Variants in CDC42EP3 observed in about 807,000 individuals in gnomAD.
CDC42EP3 encodes CDC42 effector protein 3.
Under a neutral mutation model 15.5 loss-of-function variants are expected in CDC42EP3, and 4 were observed. That is an observed-to-expected ratio of 0.26 (90% CI 0.13 to 0.59). The LOEUF (loss-of-function observed/expected upper bound fraction) is 0.59, where lower values mean the gene tolerates loss of function less well. Ranked by LOEUF, CDC42EP3 falls within the 20% of genes least tolerant of loss-of-function variation. The pLI, the probability that CDC42EP3 is intolerant of heterozygous loss-of-function variation, is 0.89. For missense variants in CDC42EP3, 309 were observed against 311.2 expected (o/e 0.99, Z 0.05); for synonymous variants, 145 against 130.3 (o/e 1.11, Z -0.77).
intron 1 of CDC42EP3, among the ~76,000 whole-genome samples, chr2:37,666,615 T>C (rs1666257851): frequency 6.6e-6 from 1 of 152,206 alleles, no homozygotes; most frequent in Non-Finnish European, 1.5e-5. Flanking sequence ...AAACACTAGT[T>C]TGGAACTCAT....
intron 1 of CDC42EP3, among the ~76,000 whole-genome samples, chr2:37,649,573 T>G (rs1572508644): frequency 2.1e-5 from 3 of 142,550 alleles, no homozygotes; most frequent in African/African-American, 5.3e-5. Flanking sequence ...TTTGGGACAG[T>G]GAGGAGGAAG....
intron 1 of CDC42EP3, among the ~76,000 whole-genome samples, chr2:37,647,867 A>G (rs967048983): frequency 1.3e-5 from 2 of 152,164 alleles, no homozygotes; most frequent in African/African-American, 2.4e-5. Flanking sequence ...ATCTGCCAAC[A>G]ATGTTGGGGA....
At chr2:37,667,143 G>C (rs1254627247) in intron 1 of CDC42EP3, among the ~76,000 whole-genome samples, 2 of 152,182 alleles carry the variant, frequency 1.3e-5, no homozygotes, top group Non-Finnish European at 2.9e-5. Flanking sequence ...TAAGGACAAG[G>C]TTTCAAAGGT....
At chr2:37,651,663 G>A (rs74629034) in intron 1 of CDC42EP3, among the ~76,000 whole-genome samples, 3,488 of 152,282 alleles carry the variant, frequency 0.023, 70 homozygotes, top group Non-Finnish European at 0.034. Flanking sequence ...ATTTGTAGTC[G>A]GAAAGGAAAG....
At chr2:37,658,531 T>C (rs975806302) in intron 1 of CDC42EP3, among the ~76,000 whole-genome samples, 2 of 152,166 alleles carry the variant, frequency 1.3e-5, no homozygotes, top group African/African-American at 4.8e-5. Flanking sequence ...CTACTTTGCT[T>C]CCCTTGTCCC....
At chr2:37,651,944 G>A (rs765690354) in intron 1 of CDC42EP3, among the ~76,000 whole-genome samples, 70 of 151,986 alleles carry the variant, frequency 4.6e-4, no homozygotes, top group Non-Finnish European at 3.8e-4. Context: ...GGGAGGCCGA[G>A]GCGGGCAGAT....
At chr2:37,665,789 T>A (rs1231419775) in intron 1 of CDC42EP3, among the ~76,000 whole-genome samples, 11 of 152,184 alleles carry the variant, frequency 7.2e-5, no homozygotes, top group Admixed American at 7.2e-4. Flanking sequence ...TGCACGGGTC[T>A]GTTTTTCAAC....
At chr2:37,661,895 A>T (rs1666067498) in intron 1 of CDC42EP3, among the ~76,000 whole-genome samples, 1 of 152,124 alleles carries the variant, frequency 6.6e-6, no homozygotes. Flanking sequence ...CCTTGGCTTA[A>T]AAAAAAGTTC....
intron 1 of CDC42EP3, among the ~76,000 whole-genome samples, chr2:37,652,594 T>C (rs943882233): frequency 6.6e-6 from 1 of 151,960 alleles, no homozygotes; most frequent in South Asian, 2.1e-4. Flanking sequence ...AAGGGTCAAG[T>C]CATGTGGTCA....
chr2:37,645,979 G>A lies in CDC42EP3; in HGVS notation c.609C>T (p.Asp203=), dbSNP rs766726837. Residue 203 remains aspartate (D), a synonymous_variant, in exon 2 of 2, where the codon GAC becomes GAT. Transcript: ENST00000295324. The stretch of plus-strand genomic sequence containing the variant: ...CGCATGGGGTGGGATGGTCAAACAT[G>A]TCCTCGGCTGGCCAGTCGGGGTACT... ...SEQYPDWPAE[D]MFDHPTPCEL... is the part of the protein sequence containing the mutation. The A allele has an allele frequency of 1.2e-6, 2 of 1,614,048 alleles. No homozygotes were observed. Among genetic ancestry groups the A allele is most frequent in the East Asian group, 4.5e-5 (2 of 44,866 alleles).
intron 1 of CDC42EP3, among the ~76,000 whole-genome samples, chr2:37,671,165 C>T (rs1558345878): frequency 6.6e-6 from 1 of 152,230 alleles, no homozygotes; most frequent in Non-Finnish European, 1.5e-5. Flanking sequence ...TGCAATGTGG[C>T]CGCGCAGCCC....
chr2:37,642,577 T>A lies in CDC42EP3; in HGVS notation c.*3246A>T, dbSNP rs1315491961. The A allele has an allele frequency of 6.6e-6, 1 of 152,232 alleles. No individual in the cohort carries two copies. Among genetic ancestry groups the A allele is most frequent in the Non-Finnish European group, 1.5e-5 (1 of 68,034 alleles). The allele number at this position is 152,232 out of a possible 1,614,324, so 9.4% of individuals were successfully genotyped here. A position where few individuals can be genotyped will look rare whatever the true frequency, so the allele number is the denominator to read the frequency against. On this transcript the variant is annotated 3_prime_UTR_variant, in exon 2 of 2. Transcript: ENST00000295324. ...AACTCTTACTGGAGAGAAACCATCATGTTGGCTCATTCTATTGTGTTTATA... is the reference window on the plus strand; with the variant it reads ...AACTCTTACTGGAGAGAAACCATCAAGTTGGCTCATTCTATTGTGTTTATA...
At chr2:37,664,255 C>T (rs1450170731) in intron 1 of CDC42EP3, among the ~76,000 whole-genome samples, 1 of 152,196 alleles carries the variant, frequency 6.6e-6, no homozygotes, top group Non-Finnish European at 1.5e-5. Flanking sequence ...CATTTTTCTC[C>T]CGTGCTGGAT....
intron 1 of CDC42EP3, among the ~76,000 whole-genome samples, chr2:37,652,847 T>A (rs753856541): frequency 9.9e-5 from 15 of 152,182 alleles, no homozygotes; most frequent in Non-Finnish European, 2.2e-4. Flanking sequence ...CAGCTAGGCT[T>A]ACAGATGAGC....
chr2:37,654,300 GGGAGGAAGT>G (rs369577530), intron 1 of CDC42EP3, among the ~76,000 whole-genome samples: 4 of 152,278 alleles, frequency 2.6e-5, no homozygotes, highest in Non-Finnish European at 5.9e-5. Context: ...GGAGGCAAAT[GGGAGGAAGT>G]GAAGGAGCTC....
intron 1 of CDC42EP3, among the ~76,000 whole-genome samples, chr2:37,649,351 A>G (rs1308998672): frequency 1.4e-5 from 2 of 138,090 alleles, no homozygotes; most frequent in African/African-American, 5.3e-5. Flanking sequence ...GCTACTTGGG[A>G]GGCTGAGGTG....
rs1666156480 is a variant in CDC42EP3, at chr2:37,663,739, A to C, written c.-236+7687T>G. Among the ~76,000 whole-genome samples, 3 of 152,202 alleles carry C rather than the reference A, an allele frequency of 2.0e-5. No homozygotes were observed. In the South Asian group the frequency reaches 6.2e-4, roughly 32 times the overall value. ...TACTGAGTGTCGACTTGATGGAAGG[A>C]TGCAAAGTATTGTTCCTGGGTGTGT... On this transcript the variant is annotated intron_variant, in intron 1 of 1. Coordinates refer to ENST00000295324, the MANE Select transcript of CDC42EP3 (RefSeq NM_006449.5).
intron 1 of CDC42EP3, among the ~76,000 whole-genome samples, chr2:37,662,033 T>C (rs1258856239): frequency 6.6e-6 from 1 of 152,010 alleles, no homozygotes. Flanking sequence ...ATGGTAGGGC[T>C]CTGTGATTCT....
intron 1 of CDC42EP3, chr2:37,647,712 G>A (rs1484731232): frequency 6.6e-6 from 1 of 152,346 alleles, no homozygotes; most frequent in Admixed American, 6.5e-5. Context: ...TCTAAACAAG[G>A]GAATGTGGCA....
Sources: allele counts gnomAD v4.1 joint callset (sites outside exome capture counted in the v4.1 genomes callset), GRCh38; gene constraint gnomAD v4.1.1; transcripts MANE v1.5; gene names NCBI Gene and HGNC (gene_info 2026-07-23, HGNC 2026-07-21).